The following IGFBPL1 variants were observed in gnomAD, a reference collection of about 807,000 sequenced individuals.
The protein encoded by IGFBPL1 is insulin-like growth factor-binding protein-like 1.
Under a neutral mutation model 23.9 loss-of-function variants are expected in IGFBPL1, and 20 were observed. The ratio of observed to expected loss-of-function variants is 0.84; its 90% CI spans 0.59 to 1.22. The LOEUF (loss-of-function observed/expected upper bound fraction) is 1.22. IGFBPL1 is among the 50% of genes most tolerant of loss of function. The pLI, the probability that IGFBPL1 is intolerant of heterozygous loss-of-function variation, is 0.00. For synonymous variants in IGFBPL1, 184 were observed against 171.8 expected (o/e 1.07, Z -0.56); for missense variants, 436 against 379.3 (o/e 1.15, Z -1.24).
chr9:38,423,377 A>G (rs1188738934), intron 1 of IGFBPL1, among the ~76,000 whole-genome samples: 1 of 152,060 alleles, frequency 6.6e-6, no homozygotes, highest in Non-Finnish European at 1.5e-5. Flanking sequence ...ATAGCACCAC[A>G]ATCTTTTCAG....
chr9:38,408,849 T>C lies in IGFBPL1; in HGVS notation c.*378A>G, dbSNP rs575394020. The C allele has an allele frequency of 3.9e-5, 6 of 152,286 alleles. No individual in the cohort carries two copies. The highest frequency in any genetic ancestry group is 9.6e-5 in the African/African-American group (4 of 41,532). 9.4% of individuals were successfully genotyped at this position (152,286 alleles called of 1,614,324 possible). ...GACAGCTGGGACCCTCATCCCTCCT[T>C]CTACAACACACACTAAGTCACAGAG... On this transcript the variant is annotated 3_prime_UTR_variant, in exon 5 of 5. Transcript: ENST00000377694.
intron 1 of IGFBPL1, among the ~76,000 whole-genome samples, chr9:38,421,570 C>G (rs1189206560): frequency 6.6e-6 from 1 of 152,052 alleles, no homozygotes; most frequent in Non-Finnish European, 1.5e-5. Flanking sequence ...CCCAAGGAGT[C>G]AGGAGGGGTG....
chr9:38,407,237 T>C lies in IGFBPL1; in HGVS notation c.*1990A>G, dbSNP rs968374707. ...CCAGTGCCATCCATTTCAATTCTCA[T>C]CTTTTGTTTTCAAAGAGAGCTTCCA... On this transcript the variant is annotated 3_prime_UTR_variant, in exon 5 of 5. Coordinates refer to ENST00000377694, the MANE Select transcript of IGFBPL1 (RefSeq NM_001007563.3). Among the ~76,000 whole-genome samples, 3 of 152,228 alleles carry C rather than the reference T, an allele frequency of 2.0e-5. No individual in the cohort carries two copies. The highest frequency in any genetic ancestry group is 7.2e-5 in the African/African-American group (3 of 41,464).
At chr9:38,413,903 G>GTTT (rs1821553050) in intron 2 of IGFBPL1, among the ~76,000 whole-genome samples, 191 bp downstream of exon 2, 1 of 152,142 alleles carries the variant, frequency 6.6e-6, no homozygotes, top group Non-Finnish European at 1.5e-5. Flanking sequence ...TGGGGTAGAA[G>GTTT]TTTCGAGGCA....
intron 1 of IGFBPL1, among the ~76,000 whole-genome samples, chr9:38,419,569 T>A (rs893450741): frequency 1.3e-5 from 2 of 152,162 alleles, no homozygotes; most frequent in Non-Finnish European, 2.9e-5. Context: ...CTCAATGCCC[T>A]GGCGGGTGCT....
At chr9:38,412,455 CAT>C (rs1238556205) in intron 3 of IGFBPL1, among the ~76,000 whole-genome samples, 2 of 152,196 alleles carry the variant, frequency 1.3e-5, no homozygotes, top group Non-Finnish European at 2.9e-5. Flanking sequence ...CTCTTTCAAA[CAT>C]GTGGCATTCT....
intron 1 of IGFBPL1, among the ~76,000 whole-genome samples, chr9:38,419,429 T>C (rs1183623590): frequency 2.0e-5 from 3 of 152,304 alleles, no homozygotes; most frequent in South Asian, 4.1e-4. Flanking sequence ...CGAAGTGGCA[T>C]GCGCTGCCTC....
chr9:38,424,021 G>C lies in IGFBPL1; in HGVS notation c.404C>G (p.Thr135Arg). The change falls in exon 1 of 5, where the codon ACG becomes AGG. Residue 135 changes from threonine to arginine, a missense_variant. Thr to Arg is a moderately conservative substitution (Grantham distance 71). Coordinates refer to ENST00000377694, the MANE Select transcript of IGFBPL1 (RefSeq NM_001007563.3). Reference sequence around the variant, plus strand: ...CAGGTGACCGGGGTGCGCGCGGGGCGTGTGCCGAGCGCGCAGGCGCAGCGC... The same window carrying C: ...CAGGTGACCGGGGTGCGCGCGGGGCCTGTGCCGAGCGCGCAGGCGCAGCGC... Reference protein sequence around the residue: ...VCALRLRARHTPRAHPGHLHK... With the variant: ...VCALRLRARHRPRAHPGHLHK... The C allele has an allele frequency of 7.1e-7, 1 of 1,408,026 alleles. No homozygotes were observed. The highest frequency in any genetic ancestry group is 9.2e-7 in the Non-Finnish European group (1 of 1,091,104). 87.2% of individuals were successfully genotyped at this position (1,408,026 alleles called of 1,614,324 possible).
In IGFBPL1 at chr9:38,424,001, G is replaced by A. The variant is rs1167346487; in HGVS notation, c.424C>T (p.His142Tyr). Residue 142 changes from histidine to tyrosine, a missense_variant, in exon 1 of 5, where the codon CAC becomes TAC. Physicochemically the swap from His to Tyr is moderately conservative, Grantham distance 83. Transcript: ENST00000377694. ...GGGCCGTCGCGCGCCTTGTGCAGGT[G>A]ACCGGGGTGCGCGCGGGGCGTGTGC... ...ARHTPRAHPGHLHKARDGPCE... is the reference protein window; with the variant it reads ...ARHTPRAHPGYLHKARDGPCE... 4.2e-5 allele frequency: 59 copies of A among 1,411,378 alleles called. No individual in the cohort carries two copies. The highest frequency in any genetic ancestry group is 5.3e-5 in the Non-Finnish European group (58 of 1,092,916). The allele number at this position is 1,411,378 out of a possible 1,614,324, so 87.4% of individuals were successfully genotyped here.
At position 38,414,189 on chromosome 9, in the gene IGFBPL1, C is replaced by A. The variant is rs977890969; in HGVS notation, c.475G>T (p.Val159Phe). The A allele has an allele frequency of 2.5e-6, 4 of 1,603,170 alleles. No homozygotes were observed. The highest frequency in any genetic ancestry group is 2.3e-5 in the South Asian group (2 of 88,790). The change falls in exon 2 of 5, where the codon GTT becomes TTT. Residue 159 changes from valine (V) to phenylalanine (F), a missense_variant. Physicochemically the swap from Val to Phe is conservative, Grantham distance 50 (BLOSUM62 -1). Coordinates refer to ENST00000377694, the MANE Select transcript of IGFBPL1 (RefSeq NM_001007563.3). ...GPCEFAPVVV[V>F]PPRSVHNVTG... ...ACGTTGTGAACACTTCGGGGAGGAA[C>A]GACGACCACAGGAGCTAGGAGGAGG...
At position 38,408,386 on chromosome 9, in the gene IGFBPL1, C is replaced by T. The variant is rs1212543556; in HGVS notation, c.*841G>A. On this transcript the variant is annotated 3_prime_UTR_variant, in exon 5 of 5. Coordinates refer to ENST00000377694, the MANE Select transcript of IGFBPL1 (RefSeq NM_001007563.3). ...GAGGTTGCAGTGAGCCATGATCACG[C>T]CACTGCACTCCAGCCTGGGTGATAG... is the stretch of plus-strand genomic sequence containing the variant. 6.6e-6 allele frequency among the ~76,000 whole-genome samples: 1 copy of T among 151,942 alleles called. No individual in the cohort carries two copies. Among genetic ancestry groups the T allele is most frequent in the Non-Finnish European group, 1.5e-5 (1 of 67,992 alleles).
rs1279165664 is a variant in IGFBPL1 at position 38,414,193 on chromosome 9, G to A, written c.471C>T (p.Val157=). The A allele has an allele frequency of 6.9e-6, 11 of 1,599,086 alleles. No individual in the cohort carries two copies. The highest frequency in any genetic ancestry group is 2.7e-5 in the African/African-American group (2 of 74,580). ...TGTGAACACTTCGGGGAGGAACGACGACCACAGGAGCTAGGAGGAGGAGAC... is the reference window on the plus strand; with the variant it reads ...TGTGAACACTTCGGGGAGGAACGACAACCACAGGAGCTAGGAGGAGGAGAC... ...RDGPCEFAPV[V]VVPPRSVHNV... The change falls in exon 2 of 5, where the codon GTC becomes GTT. Residue 157 remains valine, a synonymous_variant. Coordinates refer to ENST00000377694, the MANE Select transcript of IGFBPL1 (RefSeq NM_001007563.3).
chr9:38,411,983 T>C (rs140034997), intron 3 of IGFBPL1, among the ~76,000 whole-genome samples: 1 of 151,988 alleles, frequency 6.6e-6, no homozygotes, highest in African/African-American at 2.4e-5. Context: ...CCTAAGAAAA[T>C]AGAGGAATGT....
At chr9:38,422,011 G>A (rs932078203) in intron 1 of IGFBPL1, among the ~76,000 whole-genome samples, 2 of 152,230 alleles carry the variant, frequency 1.3e-5, no homozygotes, top group African/African-American at 2.4e-5. Context: ...AGATCCCATA[G>A]ATCAGAGTGA....
chr9:38,420,842 A>G (rs1268346996), intron 1 of IGFBPL1, among the ~76,000 whole-genome samples: 2 of 152,124 alleles, frequency 1.3e-5, no homozygotes, highest in Non-Finnish European at 2.9e-5. Flanking sequence ...GTCTCAAAAC[A>G]AAACAAAACA....
chr9:38,407,872 C>CTT lies in IGFBPL1; in HGVS notation c.*1353_*1354dup, dbSNP rs1821450572. ...CTGTGCATAGTAAGGGCTCTCAATT[C>CTT]TTATTTTAAAATTGTAATCACCTAA... On this transcript the variant is annotated 3_prime_UTR_variant, in exon 5 of 5. Transcript: ENST00000377694. Among the ~76,000 whole-genome samples the CTT allele has an allele frequency of 6.6e-6, 1 of 152,014 alleles. No homozygotes were observed. Among genetic ancestry groups the CTT allele is most frequent in the Admixed American group, 6.6e-5 (1 of 15,266 alleles).
At chr9:38,412,907 G>A (rs1179712911) in intron 3 of IGFBPL1, among the ~76,000 whole-genome samples, 4 of 152,092 alleles carry the variant, frequency 2.6e-5, no homozygotes, top group South Asian at 4.2e-4. Context: ...TGGCCCACCC[G>A]GATAATCCAG....
At chr9:38,417,107 G>A (rs537581886) in intron 1 of IGFBPL1, among the ~76,000 whole-genome samples, 3 of 152,154 alleles carry the variant, frequency 2.0e-5, no homozygotes, top group East Asian at 1.9e-4. Flanking sequence ...CACAGCGCTC[G>A]CTGTGTGCTA....
intron 1 of IGFBPL1, among the ~76,000 whole-genome samples, chr9:38,416,852 T>A (rs996465524): frequency 5.8e-4 from 80 of 138,190 alleles, no homozygotes; most frequent in Middle Eastern, 3.6e-3. Context: ...TTAAAAAAAA[T>A]TTTTTTTTTT....
Sources: allele counts gnomAD v4.1 joint callset (sites outside exome capture counted in the v4.1 genomes callset), GRCh38; gene constraint gnomAD v4.1.1; transcripts MANE v1.5; gene names NCBI Gene and HGNC (gene_info 2026-07-23, HGNC 2026-07-21).